Variants in ATP6V1E1 observed in about 807,000 individuals in gnomAD.
ATP6V1E1 encodes the protein V-type proton ATPase subunit E 1.
In ATP6V1E1, 21 loss-of-function variants were observed where a neutral mutation model predicts 35.2. The ratio of observed to expected loss-of-function variants is 0.60; its 90% CI spans 0.42 to 0.86. ATP6V1E1 has a LOEUF of 0.86. ATP6V1E1 is among the 40% of genes least tolerant of loss of function. ATP6V1E1 has a pLI of 0.00. For synonymous variants in ATP6V1E1, 83 were observed against 87.8 expected, an observed-to-expected ratio of 0.95 and a Z score of 0.30; for missense variants, 183 against 272.6, an observed-to-expected ratio of 0.67 and a Z score of 2.32.
At chr22:17,611,885 C>T (rs2057817290) in intron 4 of ATP6V1E1, among the ~76,000 whole-genome samples, 1 of 152,260 alleles carries the variant, frequency 6.6e-6, no homozygotes, top group East Asian at 1.9e-4. Context: ...AGTATGTCTT[C>T]CATTTTTTCA....
chr22:17,607,604 A>G (rs1277199679), intron 4 of ATP6V1E1, among the ~76,000 whole-genome samples: 1 of 151,934 alleles, frequency 6.6e-6, no homozygotes, highest in Non-Finnish European at 1.5e-5. Flanking sequence ...TGCTGCCACC[A>G]TTCTACTTCT....
chr22:17,616,410 G>A (rs989450612), intron 2 of ATP6V1E1, among the ~76,000 whole-genome samples: 4 of 152,162 alleles, frequency 2.6e-5, no homozygotes, highest in African/African-American at 7.2e-5. Context: ...CAGGCGTGGT[G>A]GCTCACGCCA....
In ATP6V1E1 at chr22:17,592,630, C is replaced by T. The variant is rs1287403541; in HGVS notation, c.*44G>A. ...TTTCTTCAAATATCAGAAGCTTCCA[C>T]ATCACAGCAGGAGAGCTGACGACGA... On this transcript the variant is annotated 3_prime_UTR_variant, in exon 9 of 9. Transcript: ENST00000253413. The T allele has an allele frequency of 1.3e-6, 2 of 1,580,466 alleles. No homozygotes were observed. The highest frequency in any genetic ancestry group is 1.7e-6 in the Non-Finnish European group (2 of 1,149,778).
chr22:17,616,032 A>T (rs1240191578), intron 2 of ATP6V1E1, among the ~76,000 whole-genome samples: 2 of 127,444 alleles, frequency 1.6e-5, no homozygotes, highest in Non-Finnish European at 3.3e-5. Flanking sequence ...ACTCCATCTC[A>T]AAAAACAAAC....
intron 5 of ATP6V1E1, chr22:17,600,853 T>A (rs1325757396): frequency 3.1e-6 from 1 of 323,582 alleles, no homozygotes; most frequent in Non-Finnish European, 5.7e-6. Context: ...TAAGACTACA[T>A]AATTGAGTAG....
intron 1 of ATP6V1E1, among the ~76,000 whole-genome samples, chr22:17,624,372 G>A (rs1193467049): frequency 6.6e-6 from 1 of 152,102 alleles, no homozygotes; most frequent in Non-Finnish European, 1.5e-5. Context: ...TGGCCAACAT[G>A]GTGAAACCCC....
chr22:17,606,849 T>C (rs28469161), intron 4 of ATP6V1E1, among the ~76,000 whole-genome samples: 52,900 of 152,102 alleles, frequency 0.35, 9,534 homozygotes, highest in African/African-American at 0.41. Flanking sequence ...CTCTCAAACA[T>C]TGAACACTGT....
At chr22:17,608,267 G>A (rs185236471) in intron 4 of ATP6V1E1, among the ~76,000 whole-genome samples, 58 of 152,260 alleles carry the variant, frequency 3.8e-4, no homozygotes, top group Non-Finnish European at 5.4e-4. Flanking sequence ...GATAACATGA[G>A]TACCAAAACC....
intron 4 of ATP6V1E1, among the ~76,000 whole-genome samples, chr22:17,603,084 GT>G (rs1375536595): frequency 6.6e-6 from 1 of 152,146 alleles, no homozygotes; most frequent in Non-Finnish European, 1.5e-5. Context: ...AGCCTCCTGA[GT>G]GTTACAGGCG....
intron 8 of ATP6V1E1, among the ~76,000 whole-genome samples, chr22:17,593,644 G>C (rs2146292848): frequency 6.6e-6 from 1 of 152,302 alleles, no homozygotes; most frequent in East Asian, 1.9e-4. Context: ...AGGAAACAAT[G>C]TTCTGAGGTT....
At chr22:17,600,972 G>T in intron 5 of ATP6V1E1, 120 bp downstream of exon 5, 3 of 815,382 alleles carry the variant, frequency 3.7e-6, no homozygotes, top group Non-Finnish European at 5.7e-6. Context: ...AAAAAAAAGG[G>T]TGAAAGGAAA....
intron 4 of ATP6V1E1, among the ~76,000 whole-genome samples, chr22:17,611,789 G>A (rs1189180998): frequency 3.9e-5 from 6 of 152,114 alleles, no homozygotes; most frequent in African/African-American, 1.4e-4. Flanking sequence ...CACTAACACT[G>A]CTACTCAGTT....
chr22:17,613,386 G>C, intron 2 of ATP6V1E1, 66 bp from the exon 3 acceptor site: 1 of 1,321,642 alleles, frequency 7.6e-7, no homozygotes, highest in Non-Finnish European at 1.1e-6. Context: ...TAAACAGCTG[G>C]TGACCTGCGT....
chr22:17,627,833 G>C (rs1240216166), intron 1 of ATP6V1E1, among the ~76,000 whole-genome samples: 1 of 128,968 alleles, frequency 7.8e-6, no homozygotes, highest in Non-Finnish European at 1.6e-5. Context: ...AAAAAAAAAA[G>C]AAAAAAAGAA....
intron 4 of ATP6V1E1, among the ~76,000 whole-genome samples, chr22:17,603,923 G>C (rs1255176270): frequency 6.6e-6 from 1 of 152,150 alleles, no homozygotes; most frequent in Non-Finnish European, 1.5e-5. Flanking sequence ...CCTGAGTATG[G>C]AGACGAGGCT....
chr22:17,610,548 G>A lies in ATP6V1E1; in HGVS notation c.276+2264C>T, dbSNP rs1601385258. ...ACCAAATAAAAAACCTAATTATAAA[G>A]CCTATTAACTAGCTAAGACTATAAT... On this transcript the variant is annotated intron_variant, in intron 4 of 8. Coordinates refer to ENST00000253413, the MANE Select transcript of ATP6V1E1 (RefSeq NM_001696.4). 2.0e-5 allele frequency among the ~76,000 whole-genome samples: 3 copies of A among 152,254 alleles called. No individual in the cohort carries two copies. In the South Asian group the frequency reaches 6.2e-4, roughly 32 times the overall value.
chr22:17,626,325 A>AAAG (rs1555864862), intron 1 of ATP6V1E1, among the ~76,000 whole-genome samples: 2,957 of 122,470 alleles, frequency 0.024, 73 homozygotes, highest in African/African-American at 0.09. Context: ...AAAAAAAAAA[A>AAAG]AAAGAAAGAA....
At chr22:17,624,500 G>A (rs549967619) in intron 1 of ATP6V1E1, among the ~76,000 whole-genome samples, 1 of 152,240 alleles carries the variant, frequency 6.6e-6, no homozygotes, top group African/African-American at 2.4e-5. Flanking sequence ...GCTGCAGTGA[G>A]CTGAGATCAC....
intron 1 of ATP6V1E1, 140 bp from the exon 2 acceptor site, chr22:17,619,666 GCTTT>G: frequency 1.4e-6 from 1 of 692,736 alleles, no homozygotes; most frequent in Non-Finnish European, 2.4e-6. Context: ...AGGGAGGATT[GCTTT>G]AGGCCAGGAG....
Sources: gnomAD v4.1 joint callset for allele counts (sites outside exome capture counted in the v4.1 genomes callset) on GRCh38, gnomAD v4.1.1 for gene constraint, MANE v1.5 for transcripts, NCBI Gene and HGNC (gene_info 2026-07-23, HGNC 2026-07-21) for gene names.